The following GPM6A variants were observed in gnomAD, a reference collection of about 807,000 sequenced individuals.
GPM6A encodes glycoprotein M6A.
A neutral mutation model predicts 32.1 loss-of-function variants in GPM6A; 7 were observed. The observed-to-expected ratio is 0.22, with a 90% confidence interval of 0.12 to 0.41. GPM6A has a LOEUF of 0.41. Ranked by LOEUF, GPM6A falls within the 10% of genes least tolerant of loss-of-function variation. The pLI is 1.00. For missense variants in GPM6A, 235 were observed against 347.2 expected (o/e 0.68, Z 2.57); for synonymous variants, 130 against 123.4 (o/e 1.05, Z -0.35).
intron 1 of GPM6A, among the ~76,000 whole-genome samples, chr4:175,737,888 G>A (rs914431082): frequency 6.6e-6 from 1 of 151,774 alleles, no homozygotes; most frequent in Admixed American, 6.6e-5. Context: ...GCCATTCATG[G>A]GGATGCACTT....
chr4:175,673,531 A>C, intron 3 of GPM6A, 149 bp downstream of exon 3: 2 of 502,778 alleles, frequency 4.0e-6, no homozygotes, highest in Admixed American at 7.1e-5. Flanking sequence ...AATTTCAAAA[A>C]TAATGTTATC....
At chr4:175,879,260 T>C (rs7654105) in intron 1 of GPM6A, among the ~76,000 whole-genome samples, 3,868 of 152,274 alleles carry the variant, frequency 0.025, 155 homozygotes, top group African/African-American at 0.087. Flanking sequence ...CTGCCTGTTG[T>C]CCAGTTCCAA....
At chr4:175,860,138 C>T (rs1249672290) in intron 1 of GPM6A, among the ~76,000 whole-genome samples, 1 of 150,904 alleles carries the variant, frequency 6.6e-6, no homozygotes, top group African/African-American at 2.4e-5. Flanking sequence ...TCTTGAGACA[C>T]TAGAAAAAGA....
At chr4:175,897,633 C>T (rs1737838013) in intron 1 of GPM6A, among the ~76,000 whole-genome samples, 1 of 152,104 alleles carries the variant, frequency 6.6e-6, no homozygotes, top group South Asian at 2.1e-4. Context: ...ACGTTAGAGA[C>T]CCATTCTTTG....
At chr4:175,841,068 A>G (rs866448753) in intron 1 of GPM6A, among the ~76,000 whole-genome samples, 3 of 152,202 alleles carry the variant, frequency 2.0e-5, no homozygotes, top group South Asian at 4.1e-4. Context: ...AATTAGTAGC[A>G]AACAGATCCT....
At chr4:175,915,680 C>T (rs913407076) in intron 1 of GPM6A, among the ~76,000 whole-genome samples, 6 of 152,040 alleles carry the variant, frequency 3.9e-5, no homozygotes, top group Admixed American at 6.6e-5. Flanking sequence ...GAGCTAGGCA[C>T]AATTTGATAA....
At chr4:175,941,417 T>A (rs1205647999) in intron 1 of GPM6A, among the ~76,000 whole-genome samples, 1 of 151,070 alleles carries the variant, frequency 6.6e-6, no homozygotes, top group Non-Finnish European at 1.5e-5. Flanking sequence ...TACTTTAAGT[T>A]CTGTGATACA....
At chr4:175,762,976 T>C (rs1255066441) in intron 1 of GPM6A, among the ~76,000 whole-genome samples, 2 of 152,156 alleles carry the variant, frequency 1.3e-5, no homozygotes, top group South Asian at 2.1e-4. Context: ...AATAAAAATG[T>C]TCTAAAATTA....
intron 3 of GPM6A, among the ~76,000 whole-genome samples, chr4:175,665,634 G>C (rs1387962340): frequency 1.3e-5 from 2 of 151,596 alleles, no homozygotes; most frequent in East Asian, 4.0e-4. Context: ...AAACACAAAG[G>C]TTAGCCTGGT....
chr4:175,954,087 C>A (rs1342084695), intron 1 of GPM6A, among the ~76,000 whole-genome samples: 1 of 152,114 alleles, frequency 6.6e-6, no homozygotes, highest in African/African-American at 2.4e-5. Context: ...CGCTCTATAC[C>A]TTGACTTTTC....
chr4:176,001,979 G>T (rs1270766781), intron 1 of GPM6A, among the ~76,000 whole-genome samples: 1 of 152,010 alleles, frequency 6.6e-6, no homozygotes, highest in African/African-American at 2.4e-5. Context: ...CCCAAATACC[G>T]CCCCCAGCAC....
intron 1 of GPM6A, among the ~76,000 whole-genome samples, chr4:175,720,634 G>A (rs1349840529): frequency 1.3e-5 from 2 of 152,118 alleles, no homozygotes; most frequent in Admixed American, 6.5e-5. Flanking sequence ...ACACAGCACT[G>A]AAGAACCCCA....
At chr4:175,961,908 A>C (rs1362017907) in intron 1 of GPM6A, among the ~76,000 whole-genome samples, 1 of 152,112 alleles carries the variant, frequency 6.6e-6, no homozygotes, top group Non-Finnish European at 1.5e-5. Flanking sequence ...AGGCTCAGTA[A>C]AAAACTGAGT....
At chr4:175,994,433 G>A (rs2126466178) in intron 1 of GPM6A, among the ~76,000 whole-genome samples, 1 of 152,220 alleles carries the variant, frequency 6.6e-6, no homozygotes, top group African/African-American at 2.4e-5. Context: ...TCACAATAAA[G>A]CAAGTCACAT....
chr4:175,880,500 T>G (rs1342713435), intron 1 of GPM6A, among the ~76,000 whole-genome samples: 3 of 152,206 alleles, frequency 2.0e-5, no homozygotes, highest in Admixed American at 1.3e-4. Flanking sequence ...TTCATGATAT[T>G]GATTCTTCCT....
chr4:175,798,141 TACAAAG>T (rs1315105848), intron 1 of GPM6A, among the ~76,000 whole-genome samples: 1 of 152,236 alleles, frequency 6.6e-6, no homozygotes, highest in African/African-American at 2.4e-5. Flanking sequence ...TTGTGTAACT[TACAAAG>T]ACAAATAAAC....
chr4:175,925,165 C>A (rs1738792306), intron 1 of GPM6A, among the ~76,000 whole-genome samples: 1 of 152,158 alleles, frequency 6.6e-6, no homozygotes, highest in Non-Finnish European at 1.5e-5. Flanking sequence ...TTTTAAAAGT[C>A]TGGCAGTTAT....
At chr4:175,730,807 C>A (rs958205939) in intron 1 of GPM6A, among the ~76,000 whole-genome samples, 1 of 152,094 alleles carries the variant, frequency 6.6e-6, no homozygotes, top group African/African-American at 2.4e-5. Flanking sequence ...AAACCATTCT[C>A]ATGGTTTCCC....
chr4:175,634,734 T>C lies in GPM6A; in HGVS notation c.*171A>G, dbSNP rs572973933. ...TCTGATTTACATCAATTTAATAAAT[T>C]GGGAAATTTAAGTGCTAAACAACAA... On this transcript the variant is annotated 3_prime_UTR_variant, in exon 7 of 7. Coordinates refer to ENST00000393658, the MANE Select transcript of GPM6A (RefSeq NM_201591.3). 3 of 512,648 alleles carry C rather than the reference T, an allele frequency of 5.9e-6. No homozygotes were observed. Among genetic ancestry groups the C allele is most frequent in the African/African-American group, 3.9e-5 (2 of 51,022 alleles). The allele number at this position is 512,648 out of a possible 1,614,324, so 31.8% of individuals were successfully genotyped here. A position where few individuals can be genotyped will look rare whatever the true frequency, so the allele number is the denominator to read the frequency against.
Sources: gnomAD v4.1 joint callset for allele counts (sites outside exome capture counted in the v4.1 genomes callset) on GRCh38, gnomAD v4.1.1 for gene constraint, MANE v1.5 for transcripts, NCBI Gene and HGNC (gene_info 2026-07-23, HGNC 2026-07-21) for gene names.